ADGRV1: variants seen among roughly 807,000 people sequenced by gnomAD.
ADGRV1 encodes G-protein coupled receptor 98.
A neutral mutation model predicts 596.2 loss-of-function variants in ADGRV1; 359 were observed. The ratio of observed to expected loss-of-function variants is 0.60; its 90% CI spans 0.55 to 0.66. The LOEUF is 0.66. ADGRV1 is among the 30% of genes least tolerant of loss of function. ADGRV1 has a pLI of 0.00. For missense variants in ADGRV1, 7,274 were observed against 7,575.6 expected (o/e 0.96, Z 1.48); for synonymous variants, 2,681 against 2,679.2 (o/e 1.00, Z -0.02).
intron 85 of ADGRV1, among the ~76,000 whole-genome samples, chr5:91,035,881 A>C (rs925538497): frequency 7.8e-6 from 1 of 128,600 alleles, no homozygotes; most frequent in Non-Finnish European, 1.7e-5. Context: ...ATATATATAT[A>C]TCTTACAACA....
intron 84 of ADGRV1, among the ~76,000 whole-genome samples, chr5:90,974,339 G>GA (rs1562027338): frequency 6.6e-6 from 1 of 152,084 alleles, no homozygotes; most frequent in South Asian, 2.1e-4. Flanking sequence ...CACAGAATTG[G>GA]AAAAAACTAC....
intron 1 of ADGRV1, among the ~76,000 whole-genome samples, chr5:90,599,211 G>C (rs929652617): frequency 2.0e-5 from 3 of 152,122 alleles, no homozygotes; most frequent in African/African-American, 7.2e-5. Flanking sequence ...ATAGTATTAG[G>C]CATTCACTTC....
chr5:90,650,486 G>A (rs1768435663), intron 17 of ADGRV1, among the ~76,000 whole-genome samples: 1 of 152,142 alleles, frequency 6.6e-6, no homozygotes, highest in African/African-American at 2.4e-5. Flanking sequence ...GTTGAGTACA[G>A]TTGTATATTT....
chr5:91,013,661 T>A (rs951059304), intron 85 of ADGRV1, among the ~76,000 whole-genome samples: 5 of 152,144 alleles, frequency 3.3e-5, no homozygotes, highest in Admixed American at 2.6e-4. Flanking sequence ...ATAGGTTGTC[T>A]GTTTTCTCTG....
At chr5:90,778,097 G>A (rs1758439265) in intron 62 of ADGRV1, 54 bp downstream of exon 62, 1 of 1,507,978 alleles carries the variant, frequency 6.6e-7, no homozygotes, top group African/African-American at 1.4e-5. Context: ...GCTGGTGTGT[G>A]CACATGTGTG....
chr5:90,699,376 A>C (rs901869593), intron 34 of ADGRV1, among the ~76,000 whole-genome samples: 1 of 152,168 alleles, frequency 6.6e-6, no homozygotes, highest in African/African-American at 2.4e-5. Flanking sequence ...GAAGCATTGG[A>C]TAGAACAGAT....
At chr5:90,953,226 A>G (rs1267429561) in intron 83 of ADGRV1, among the ~76,000 whole-genome samples, 4 of 152,178 alleles carry the variant, frequency 2.6e-5, no homozygotes, top group African/African-American at 9.6e-5. Flanking sequence ...GGTAAGCCCA[A>G]TGCAAGTTTT....
chr5:91,038,788 A>G (rs1052831978), intron 85 of ADGRV1, among the ~76,000 whole-genome samples: 2 of 152,212 alleles, frequency 1.3e-5, no homozygotes, highest in Non-Finnish European at 2.9e-5. Context: ...GCTGTAGGGA[A>G]TTGAGATGTC....
chr5:90,585,895 A>G (rs956073966), intron 1 of ADGRV1, among the ~76,000 whole-genome samples: 1 of 152,178 alleles, frequency 6.6e-6, no homozygotes, highest in Non-Finnish European at 1.5e-5. Flanking sequence ...ATCTTATTCA[A>G]CCCTCACCTT....
intron 56 of ADGRV1, 38 bp downstream of exon 56, chr5:90,756,668 G>A: frequency 6.6e-7 from 1 of 1,526,068 alleles, no homozygotes; most frequent in Non-Finnish European, 9.0e-7. Flanking sequence ...TCATACAGAG[G>A]CCTCTCCCTG....
intron 85 of ADGRV1, among the ~76,000 whole-genome samples, chr5:91,020,254 G>A (rs1783524734): frequency 6.6e-6 from 1 of 151,872 alleles, no homozygotes; most frequent in Non-Finnish European, 1.5e-5. Flanking sequence ...GTAGGGCTAG[G>A]AATCTAACAT....
At chr5:90,708,943 C>T in intron 39 of ADGRV1, 34 bp downstream of exon 39, 1 of 1,398,224 alleles carries the variant, frequency 7.2e-7, no homozygotes, top group Non-Finnish European at 1.0e-6. Context: ...TCTTTTTGCT[C>T]ACTTCAAATG....
At chr5:90,984,301 G>A (rs1480902075) in intron 84 of ADGRV1, among the ~76,000 whole-genome samples, 14 of 152,144 alleles carry the variant, frequency 9.2e-5, no homozygotes, top group Admixed American at 7.9e-4. Context: ...CAGGCAATAA[G>A]TATTACTGTT....
At position 90,975,263 on chromosome 5, in the gene ADGRV1, T is replaced by C. The variant is rs180979457; in HGVS notation, c.17973+9732T>C. Among the ~76,000 whole-genome samples, 1,500 of 152,100 alleles carry C rather than the reference T, an allele frequency of 9.9e-3. 14 individuals are homozygous for C. The highest frequency in any genetic ancestry group is 0.014 in the Non-Finnish European group (975 of 67,972). On this transcript the variant is annotated intron_variant, in intron 84 of 89. Coordinates refer to ENST00000405460, the MANE Select transcript of ADGRV1 (RefSeq NM_032119.4). ...TTTACACTGTTGGTGGGACTGTAAA[T>C]TAGTTCAACCATTGTGGAAGACAGT...
intron 89 of ADGRV1, among the ~76,000 whole-genome samples, chr5:91,163,067 AAAG>A (rs1797088051): frequency 1.3e-5 from 2 of 152,202 alleles, no homozygotes; most frequent in Non-Finnish European, 2.9e-5. Context: ...AAGAAAAAGA[AAAG>A]AACAAGGTGT....
chr5:91,122,058 G>T (rs1353855450), intron 87 of ADGRV1, among the ~76,000 whole-genome samples: 1 of 151,964 alleles, frequency 6.6e-6, no homozygotes, highest in Non-Finnish European at 1.5e-5. Flanking sequence ...AAATGTTTTG[G>T]TGGCTCTGAA....
chr5:90,693,820 C>G, intron 32 of ADGRV1, 70 bp from the exon 33 acceptor site: 2 of 1,141,472 alleles, frequency 1.8e-6, no homozygotes, highest in Non-Finnish European at 2.4e-6. Flanking sequence ...CCACAGTCAG[C>G]ATTCCTCTTC....
intron 83 of ADGRV1, among the ~76,000 whole-genome samples, chr5:90,925,238 C>G (rs1364601697): frequency 1.3e-5 from 2 of 151,770 alleles, no homozygotes; most frequent in African/African-American, 4.8e-5. Flanking sequence ...GCCATTTTCA[C>G]GATATTGATT....
At chr5:90,812,182 T>C (rs1019240896) in intron 74 of ADGRV1, among the ~76,000 whole-genome samples, 46 of 152,156 alleles carry the variant, frequency 3.0e-4, no homozygotes, top group African/African-American at 1.1e-3. Flanking sequence ...TGCCTCAGCC[T>C]CCCAAAGTGC....
Sources: allele counts gnomAD v4.1 joint callset (sites outside exome capture counted in the v4.1 genomes callset), GRCh38; gene constraint gnomAD v4.1.1; transcripts MANE v1.5; gene names NCBI Gene and HGNC (gene_info 2026-07-23, HGNC 2026-07-21).